Variants in HYAL1 observed in about 807,000 individuals in gnomAD.
HYAL1 encodes the protein hyaluronidase 1, also known as hyaluronidase-1.
A neutral mutation model predicts 28.8 loss-of-function variants in HYAL1; 21 were observed. The observed-to-expected ratio is 0.73, with a 90% confidence interval of 0.52 to 1.05. The LOEUF (loss-of-function observed/expected upper bound fraction) is 1.05. Ranked by LOEUF, HYAL1 falls within the 50% of genes least tolerant of loss-of-function variation. The probability of loss-of-function intolerance (pLI) is 0.00; values close to 1 mark genes in which losing one functional copy is unlikely to be tolerated. For synonymous variants in HYAL1, 200 were observed against 230.1 expected, an observed-to-expected ratio of 0.87 and a Z score of 1.18; for missense variants, 491 against 579.2, an observed-to-expected ratio of 0.85 and a Z score of 1.56.
chr3:50,305,749 T>C (rs1405115977), upstream of HYAL1, among the ~76,000 whole-genome samples: 1 of 151,074 alleles, frequency 6.6e-6, no homozygotes, highest in Admixed American at 6.6e-5. Flanking sequence ...TTGGCCAGGC[T>C]GGTCTTGAAC....
At chr3:50,311,663 C>CG (rs1253051564) in intron 1 of HYAL1, among the ~76,000 whole-genome samples, 3 of 140,250 alleles carry the variant, frequency 2.1e-5, no homozygotes, top group African/African-American at 8.3e-5. Context: ...GCTGGCCGGG[C>CG]GGGGGGCTGA....
chr3:50,307,933 T>G (rs1466400677), upstream of HYAL1, among the ~76,000 whole-genome samples: 1 of 149,310 alleles, frequency 6.7e-6, no homozygotes, highest in African/African-American at 2.5e-5. Context: ...TAGCTGGGAC[T>G]ACAGGGGCCC....
intron 2 of HYAL1, among the ~76,000 whole-genome samples, chr3:50,308,745 T>G (rs1553714371): frequency 8.4e-6 from 1 of 118,814 alleles, no homozygotes; most frequent in African/African-American, 3.4e-5. Context: ...TTTTTTTTTT[T>G]TTTTAGACGA....
At chr3:50,311,803 G>A (rs2109317832) in intron 1 of HYAL1, among the ~76,000 whole-genome samples, 1 of 141,480 alleles carries the variant, frequency 7.1e-6, no homozygotes, top group South Asian at 2.2e-4. Flanking sequence ...CCGGGCAGAG[G>A]CGCCCCTCAC....
upstream of HYAL1, among the ~76,000 whole-genome samples, chr3:50,306,351 GT>G (rs587770082): frequency 1.2e-3 from 183 of 146,980 alleles, 5 homozygotes; most frequent in South Asian, 0.038. Context: ...GGGAAAATTA[GT>G]TTTTTTTTCC....
chr3:50,300,306 T>G lies in HYAL1; in HGVS notation c.*177A>C. 3 of 679,758 alleles carry G rather than the reference T, an allele frequency of 4.4e-6. No homozygotes were observed. In the South Asian group the frequency reaches 5.0e-5, roughly 11 times the overall value. 42.1% of individuals were successfully genotyped at this position (679,758 alleles called of 1,614,324 possible). ...TGTCTGCTGTGGTTCTAACTCCTTA[T>G]GCCACTATTCCAGTCTGTAAGTATG... On this transcript the variant is annotated 3_prime_UTR_variant, in exon 4 of 4. Coordinates refer to ENST00000395144, the MANE Select transcript of HYAL1 (RefSeq NM_033159.4).
upstream of HYAL1, among the ~76,000 whole-genome samples, chr3:50,305,389 G>A (rs949747907): frequency 2.0e-5 from 3 of 151,612 alleles, no homozygotes; most frequent in Admixed American, 6.6e-5. Context: ...GACTACAGGC[G>A]CCCGCCACCA....
At chr3:50,308,723 C>A (rs1407610153) in intron 2 of HYAL1, among the ~76,000 whole-genome samples, 10 of 142,364 alleles carry the variant, frequency 7.0e-5, no homozygotes, top group African/African-American at 2.7e-4. Flanking sequence ...GCATGAGCCA[C>A]CGTGCCTGGC....
rs782189314 is a variant in HYAL1, at chr3:50,302,886, C to T, written c.71G>A (p.Gly24Asp). The change falls in exon 2 of 4, where the codon GGC becomes GAC. Residue 24 changes from glycine to aspartate, a missense_variant. Gly to Asp is a moderately conservative substitution (Grantham distance 94). Coordinates refer to ENST00000395144, the MANE Select transcript of HYAL1 (RefSeq NM_033159.4). The surrounding 1 kb of genome is among the most constrained non-coding windows in gnomAD (Gnocchi z 5.0). ...TLLDMAQGFR[G>D]PLLPNRPFTT... ...GAAGGGCCGGTTGGGTAGCAAGGGG[C>T]CCCTAAAGCCTTGGGCCATATCGAG... 1.9e-6 allele frequency: 3 copies of T among 1,611,870 alleles called. No homozygotes were observed. Among genetic ancestry groups the T allele is most frequent in the Admixed American group, 3.3e-5 (2 of 59,882 alleles).
chr3:50,304,336 T>TATAC (rs1702293962), upstream of HYAL1, among the ~76,000 whole-genome samples: 1 of 103,838 alleles, frequency 9.6e-6, no homozygotes, highest in Non-Finnish European at 2.0e-5. Context: ...TATATATATA[T>TATAC]ATGGCTATAG....
At chr3:50,303,070 ATCC>A in intron 1 of HYAL1, 90 bp from the exon 2 acceptor site, 1 of 976,140 alleles carries the variant, frequency 1.0e-6, no homozygotes, top group Non-Finnish European at 1.5e-6. Context: ...TTGCGCATTA[ATCC>A]ACCGCTGCTC....
chr3:50,305,102 C>T (rs1671630152), upstream of HYAL1, among the ~76,000 whole-genome samples: 3 of 152,224 alleles, frequency 2.0e-5, no homozygotes, highest in Admixed American at 2.0e-4. Context: ...GCCTCCATTG[C>T]CTCTTTTGGA....
At chr3:50,310,507 C>G (rs1248890743) in intron 1 of HYAL1, among the ~76,000 whole-genome samples, 3 of 151,494 alleles carry the variant, frequency 2.0e-5, no homozygotes, top group Non-Finnish European at 4.4e-5. Context: ...ACCTCGTGAT[C>G]TGCCCGCCTC....
rs1553713451 is a variant in HYAL1 at position 50,302,869 on chromosome 3, GGTT to G, written c.85_87del (p.Asn29del). 21 of 1,613,064 alleles carry G rather than the reference GGTT, an allele frequency of 1.3e-5. No homozygotes were observed. Among genetic ancestry groups the G allele is most frequent in the Middle Eastern group, 1.6e-4 (1 of 6,080 alleles). On this transcript the variant is annotated inframe_deletion, in exon 2 of 4. Coordinates refer to ENST00000395144, the MANE Select transcript of HYAL1 (RefSeq NM_033159.4). This position sits in a 1 kb window ranked among gnomAD's most constrained non-coding sequence, Gnocchi z 5.0. ...GCATTCCAGACGGTGGTGAAGGGCC[GGTT>G]GGGTAGCAAGGGGCCCCTAAAGCCT...
upstream of HYAL1, among the ~76,000 whole-genome samples, chr3:50,307,182 TGGCGAAACCCTG>T (rs1192001848): frequency 2.0e-5 from 3 of 149,176 alleles, no homozygotes; most frequent in African/African-American, 7.6e-5. Context: ...CTGGCCAACA[TGGCGAAACCCTG>T]TTTCTACTAA....
At chr3:50,304,603 A>G (rs1199512397), upstream of HYAL1, among the ~76,000 whole-genome samples, 3 of 151,872 alleles carry the variant, frequency 2.0e-5, no homozygotes, top group African/African-American at 7.3e-5. Context: ...CTGATTAAAA[A>G]AACATTTTGT....
Position 50,302,431 on chromosome 3 carries a change from G to C in HYAL1, c.526C>G (p.Gln176Glu). Residue 176 changes from glutamine to glutamate, a missense_variant, in exon 2 of 4, where the codon CAG (glutamine) becomes GAG (glutamate). Coordinates refer to ENST00000395144, the MANE Select transcript of HYAL1 (RefSeq NM_033159.4). This position sits in a 1 kb window ranked among gnomAD's most constrained non-coding sequence, Gnocchi z 5.0. ...QVEAVAQDQF[Q>E]GAARAWMAGT... ...GCCATCCAGGCCCGTGCAGCTCCCT[G>C]GAACTGGTCCTGGGCTACTGCCTCC... The C allele has an allele frequency of 6.2e-7, 1 of 1,613,970 alleles. No individual in the cohort carries two copies. The highest frequency in any genetic ancestry group is 8.5e-7 in the Non-Finnish European group (1 of 1,179,930).
intron 1 of HYAL1, chr3:50,309,890 G>A (rs1553714526): frequency 6.6e-6 from 1 of 151,472 alleles, no homozygotes; most frequent in East Asian, 1.9e-4. Context: ...GGTATTTGAT[G>A]GCACAAATCC....
chr3:50,301,136 G>A (rs782298630), intron 2 of HYAL1, 59 bp from the exon 3 acceptor site: 7 of 1,158,406 alleles, frequency 6.0e-6, no homozygotes, highest in Non-Finnish European at 9.0e-6. Flanking sequence ...GCAGACTGCT[G>A]GAACACCATT....
Sources: allele counts gnomAD v4.1 joint callset (sites outside exome capture counted in the v4.1 genomes callset), GRCh38; gene constraint gnomAD v4.1.1; non-coding constraint Gnocchi (gnomAD v3.1); transcripts MANE v1.5; gene names NCBI Gene and HGNC (gene_info 2026-07-23, HGNC 2026-07-21).